Variants in AFF2 observed in about 807,000 individuals in gnomAD.
AFF2 encodes the protein ALF transcription elongation factor 2, also known as AF4/FMR2 family member 2.
AFF2 carries 14 observed loss-of-function variants against 76.9 expected under a neutral mutation model. The ratio of observed to expected loss-of-function variants is 0.18; its 90% confidence interval spans 0.12 to 0.28. The LOEUF (loss-of-function observed/expected upper bound fraction) is 0.28. AFF2 is among the 10% of genes least tolerant of loss of function. The pLI, the probability that AFF2 is intolerant of heterozygous loss-of-function variation, is 1.00. For missense variants in AFF2, 868 were observed against 1,001.1 expected, an observed-to-expected ratio of 0.87 and a Z score of 1.79; for synonymous variants, 398 against 366.7, an observed-to-expected ratio of 1.09 and a Z score of -0.98.
At chrX:148,581,774 A>C (rs1557245149) in intron 1 of AFF2, among the ~76,000 whole-genome samples, 1 of 112,665 alleles carries the variant, frequency 8.9e-6, no homozygotes, top group African/African-American at 3.2e-5. Flanking sequence ...ATGTATACTT[A>C]CTAAAAATAA....
chrX:148,991,406 A>T lies in AFF2; in HGVS notation c.*74A>T. ...CAGCGCACTGATGGTCACTGGTGGA[A>T]CTCCACTCACTGGGGAACGTTCTCT... On this transcript the variant is annotated 3_prime_UTR_variant, in exon 21 of 21. Transcript: ENST00000370460. 5 of 1,017,377 alleles carry T rather than the reference A, an allele frequency of 4.9e-6. No homozygotes were observed. Among genetic ancestry groups the T allele is most frequent in the Non-Finnish European group, 6.5e-6 (5 of 768,213 alleles). The allele number at this position is 1,017,377 out of a possible 1,213,427, so 83.8% of individuals were successfully genotyped here. A position where few individuals can be genotyped will look rare whatever the true frequency, so the allele number is the denominator to read the frequency against.
intron 3 of AFF2, among the ~76,000 whole-genome samples, chrX:148,683,608 T>A (rs782389441): frequency 1.8e-5 from 2 of 112,106 alleles, no homozygotes; most frequent in African/African-American, 6.5e-5. Context: ...AGGGGAGACA[T>A]GTCTTTTTTA....
At chrX:148,639,046 C>T (rs953940581) in intron 1 of AFF2, among the ~76,000 whole-genome samples, 6 of 111,694 alleles carry the variant, frequency 5.4e-5, no homozygotes, top group Non-Finnish European at 1.1e-4. Context: ...CTGGTTTTGC[C>T]CTGCATTACC....
At chrX:148,990,897 T>C (rs2072526612) in intron 20 of AFF2, among the ~76,000 whole-genome samples, 1 of 112,403 alleles carries the variant, frequency 8.9e-6, no homozygotes, top group African/African-American at 3.2e-5. Flanking sequence ...AGATAGACCA[T>C]GGCTCCCTAC....
chrX:148,702,044 G>A (rs1352702561), intron 3 of AFF2, among the ~76,000 whole-genome samples: 2 of 112,104 alleles, frequency 1.8e-5, no homozygotes, highest in Non-Finnish European at 3.8e-5. Flanking sequence ...TTGATCTTAA[G>A]TGTGCCATTA....
At chrX:148,705,566 CT>C (rs1458938432) in intron 3 of AFF2, among the ~76,000 whole-genome samples, 8 of 102,375 alleles carry the variant, frequency 7.8e-5, no homozygotes. Context: ...GAGGACTTAG[CT>C]TTTTCATGTG....
At chrX:148,573,089 GCAGA>G (rs1326905328) in intron 1 of AFF2, among the ~76,000 whole-genome samples, 6 of 111,303 alleles carry the variant, frequency 5.4e-5, no homozygotes, top group Admixed American at 2.9e-4. Context: ...ATGATAAATA[GCAGA>G]CAGACTTAAA....
chrX:148,576,793 A>ATGTGTGTG (rs60411417), intron 1 of AFF2, among the ~76,000 whole-genome samples: 1,383 of 103,465 alleles, frequency 0.013, 31 homozygotes, highest in African/African-American at 0.044. Context: ...GTGTGTGTGT[A>ATGTGTGTG]TGTGTGTGTG....
rs180822704 is a variant in AFF2, at chrX:148,537,829, G to A, written c.47+36685G>A. Among the ~76,000 whole-genome samples the A allele has an allele frequency of 4.9e-3, 547 of 111,907 alleles. 3 individuals carry two copies. Among genetic ancestry groups the A allele is most frequent in the African/African-American group, 0.017 (509 of 30,800 alleles). ...GAAGCGCTGATAGCAGAAGGTAAAA[G>A]GCAGTGGGTTAGGGAGAAGCAGAAA... is the stretch of plus-strand genomic sequence containing the variant. On this transcript the variant is annotated intron_variant, in intron 1 of 20. Transcript: ENST00000370460.
chrX:148,609,620 G>C (rs1557249237), intron 1 of AFF2, among the ~76,000 whole-genome samples: 1 of 111,799 alleles, frequency 8.9e-6, no homozygotes, highest in African/African-American at 3.3e-5. Context: ...CCTTGTAGAA[G>C]CAGAAATGCC....
intron 1 of AFF2, among the ~76,000 whole-genome samples, chrX:148,546,565 A>T (rs1473429334): frequency 8.9e-6 from 1 of 112,478 alleles, no homozygotes; most frequent in Non-Finnish European, 1.9e-5. Context: ...ACTGAATTTG[A>T]GACCCAGTGT....
chrX:148,822,704 G>GGTGT (rs36003565), intron 4 of AFF2, among the ~76,000 whole-genome samples: 3,039 of 92,203 alleles, frequency 0.033, 143 homozygotes, highest in African/African-American at 0.11. Context: ...ATTCCTCCAG[G>GGTGT]GTGTGTGTGT....
At chrX:148,734,197 A>G (rs982190910) in intron 3 of AFF2, among the ~76,000 whole-genome samples, 2 of 111,431 alleles carry the variant, frequency 1.8e-5, no homozygotes, top group Non-Finnish European at 3.8e-5. Context: ...ACTGTACTTG[A>G]GCTATTGTAT....
chrX:148,613,072 C>A (rs1557249701), intron 1 of AFF2, among the ~76,000 whole-genome samples: 1 of 111,641 alleles, frequency 9.0e-6, no homozygotes, highest in Admixed American at 9.5e-5. Context: ...TGTTGTTAGG[C>A]TTCATTATGG....
chrX:148,611,429 C>G (rs1557249495), intron 1 of AFF2, among the ~76,000 whole-genome samples: 1 of 112,125 alleles, frequency 8.9e-6, no homozygotes, highest in Non-Finnish European at 1.9e-5. Flanking sequence ...AATCATCACA[C>G]ACTTAGTGGC....
At chrX:148,831,012 G>A (rs1391135388) in intron 4 of AFF2, among the ~76,000 whole-genome samples, 1 of 112,146 alleles carries the variant, frequency 8.9e-6, no homozygotes, top group Non-Finnish European at 1.9e-5. Flanking sequence ...TCTCAGGGAT[G>A]TTCCTTGCTG....
At chrX:148,535,625 T>G (rs781789444) in intron 1 of AFF2, among the ~76,000 whole-genome samples, 1 of 112,713 alleles carries the variant, frequency 8.9e-6, no homozygotes, top group African/African-American at 3.2e-5. Context: ...TTTTCTTTAT[T>G]TATTTTTATT....
At chrX:148,983,817 T>G (rs2072424426) in intron 19 of AFF2, among the ~76,000 whole-genome samples, 1 of 108,671 alleles carries the variant, frequency 9.2e-6, no homozygotes, top group Non-Finnish European at 1.9e-5. Context: ...CCTTCTACCT[T>G]CCAGAGCGCT....
At position 148,999,751 on chromosome X, in the gene AFF2, G is replaced by C. The variant is rs1182347777; in HGVS notation, c.*8419G>C. Reference sequence around the variant, plus strand: ...CATTACTATATGAAGGCAGTGATTTGAAATGAAAATTCCTTTCCTCTTGGA... The same window carrying C: ...CATTACTATATGAAGGCAGTGATTTCAAATGAAAATTCCTTTCCTCTTGGA... On this transcript the variant is annotated 3_prime_UTR_variant, in exon 21 of 21. Coordinates refer to ENST00000370460, the MANE Select transcript of AFF2 (RefSeq NM_002025.4). The C allele has an allele frequency of 1.8e-5, 2 of 112,669 alleles. No homozygotes were observed. The highest frequency in any genetic ancestry group is 3.7e-5 in the Non-Finnish European group (2 of 53,337). The allele number at this position is 112,669 out of a possible 1,213,427, so 9.3% of individuals were successfully genotyped here. A position where few individuals can be genotyped will look rare whatever the true frequency, so the allele number is the denominator to read the frequency against.
Sources: gnomAD v4.1 joint callset for allele counts (sites outside exome capture counted in the v4.1 genomes callset) on GRCh38, gnomAD v4.1.1 for gene constraint, MANE v1.5 for transcripts, NCBI Gene and HGNC (gene_info 2026-07-23, HGNC 2026-07-21) for gene names.